Variants in DOCK9 observed in about 807,000 individuals in gnomAD.
DOCK9 encodes dedicator of cytokinesis 9.
DOCK9 carries 89 observed loss-of-function variants against 263.3 expected under a neutral mutation model. The observed-to-expected ratio is 0.34, with a 90% CI of 0.28 to 0.40. The LOEUF is 0.40. Ranked by LOEUF, DOCK9 falls within the 10% of genes least tolerant of loss-of-function variation. The pLI is 1.00. For missense variants in DOCK9, 2,140 were observed against 2,603.4 expected (o/e 0.82, Z 3.87); for synonymous variants, 976 against 973.1 (o/e 1.00, Z -0.06).
intron 50 of DOCK9, among the ~76,000 whole-genome samples, chr13:98,799,166 C>T (rs2089806234): frequency 6.6e-6 from 1 of 152,128 alleles, no homozygotes; most frequent in Non-Finnish European, 1.5e-5. Flanking sequence ...TGGTGAATGA[C>T]ACAAAAATGT....
At chr13:98,927,232 T>C (rs2053114668) in intron 3 of DOCK9, among the ~76,000 whole-genome samples, 1 of 152,278 alleles carries the variant, frequency 6.6e-6, no homozygotes, top group Non-Finnish European at 1.5e-5. Flanking sequence ...TATTTTATCC[T>C]TGAAAATGAT....
chr13:98,944,265 C>A (rs146854276), intron 2 of DOCK9, among the ~76,000 whole-genome samples: 1 of 151,432 alleles, frequency 6.6e-6, no homozygotes, highest in Non-Finnish European at 1.5e-5. Context: ...GTATTTCATA[C>A]GTGTGTGCTC....
chr13:98,824,556 G>A, intron 44 of DOCK9, 52 bp from the exon 45 acceptor site: 1 of 1,525,554 alleles, frequency 6.6e-7, no homozygotes, highest in Non-Finnish European at 9.1e-7. Context: ...GAACGTGGGT[G>A]AACCCTGAGG....
intron 47 of DOCK9, chr13:98,809,114 A>G (rs1396211989): frequency 6.5e-7 from 1 of 1,545,118 alleles, no homozygotes. Context: ...TTAAGGAGGA[A>G]GAACTTACCG....
intron 2 of DOCK9, among the ~76,000 whole-genome samples, chr13:98,950,967 C>T (rs963518397): frequency 3.9e-5 from 6 of 152,158 alleles, no homozygotes; most frequent in South Asian, 4.1e-4. Flanking sequence ...AAAAGGCAGG[C>T]GTCCTGGGCT....
chr13:98,903,185 G>A, intron 10 of DOCK9, 73 bp from the exon 11 acceptor site: 2 of 1,191,598 alleles, frequency 1.7e-6, no homozygotes, highest in Non-Finnish European at 2.3e-6. Context: ...TGCATCCAAA[G>A]GAAACGGAAT....
chr13:99,005,688 A>G (rs536627769), intron 1 of DOCK9, among the ~76,000 whole-genome samples: 11 of 152,256 alleles, frequency 7.2e-5, no homozygotes, highest in Non-Finnish European at 1.6e-4. Flanking sequence ...AGCAGGGCAC[A>G]GCAAACTTTT....
At chr13:98,912,610 A>G (rs75221598) in intron 9 of DOCK9, among the ~76,000 whole-genome samples, 1,818 of 152,070 alleles carry the variant, frequency 0.012, 76 homozygotes, top group Admixed American at 0.077. Context: ...ATACATTTAT[A>G]TTAAATATAT....
intron 13 of DOCK9, among the ~76,000 whole-genome samples, chr13:98,899,554 G>A (rs938389542): frequency 6.6e-6 from 1 of 152,142 alleles, no homozygotes; most frequent in African/African-American, 2.4e-5. Flanking sequence ...TCTCCAATGA[G>A]GTATGTTCTT....
Position 98,846,078 on chromosome 13 carries a change from T to C in DOCK9, c.4062-18A>G, listed in dbSNP as rs1164662317. On this transcript the variant is annotated intron_variant, in intron 37 of 52. Coordinates refer to ENST00000682017, the MANE Select transcript of DOCK9 (RefSeq NM_001366683.2). ...CCTGGTTCCTGCAACATGAGTGAAA[T>C]GGGATAGAAGCAAAAGTTAGACGTG... The C allele has an allele frequency of 1.9e-6, 3 of 1,558,228 alleles. No individual in the cohort carries two copies.
intron 49 of DOCK9, among the ~76,000 whole-genome samples, chr13:98,803,887 G>A (rs1440946388): frequency 6.6e-6 from 1 of 151,038 alleles, no homozygotes; most frequent in African/African-American, 2.4e-5. Context: ...CATAGGGAGT[G>A]TGAAAAGCTC....
At chr13:98,901,414 TG>T (rs1475937215) in intron 13 of DOCK9, among the ~76,000 whole-genome samples, 126 of 152,302 alleles carry the variant, frequency 8.3e-4, no homozygotes, top group African/African-American at 3.0e-3. Flanking sequence ...CATATATAAG[TG>T]TAAGTGGACC....
At chr13:99,056,142 T>C (rs2040910309) in intron 1 of DOCK9, among the ~76,000 whole-genome samples, 1 of 152,196 alleles carries the variant, frequency 6.6e-6, no homozygotes, top group South Asian at 2.1e-4. Flanking sequence ...TGGAAATATA[T>C]ATTTTTTTCC....
intron 48 of DOCK9, 55 bp downstream of exon 48, chr13:98,807,606 A>G: frequency 1.4e-6 from 2 of 1,421,498 alleles, no homozygotes; most frequent in Non-Finnish European, 1.9e-6. Context: ...AATATATAAT[A>G]TGTAATCAAT....
chr13:99,066,682 C>T (rs2041433978), intron 1 of DOCK9, among the ~76,000 whole-genome samples: 1 of 151,152 alleles, frequency 6.6e-6, no homozygotes. Flanking sequence ...TCTTAAATGC[C>T]CTGTTTTCCC....
chr13:98,963,614 T>A (rs1476393160), intron 1 of DOCK9, among the ~76,000 whole-genome samples: 1 of 152,230 alleles, frequency 6.6e-6, no homozygotes, highest in Non-Finnish European at 1.5e-5. Context: ...GCAAACTAAA[T>A]GGCAACTCTT....
At chr13:98,849,950 T>A in intron 36 of DOCK9, 97 bp downstream of exon 36, 1 of 867,476 alleles carries the variant, frequency 1.2e-6, no homozygotes, top group Non-Finnish European at 1.8e-6. Flanking sequence ...GGATGTGACA[T>A]ACACTACTCC....
chr13:98,883,174 A>G, intron 22 of DOCK9, 43 bp from the exon 23 acceptor site: 4 of 1,483,990 alleles, frequency 2.7e-6, no homozygotes, highest in Non-Finnish European at 2.8e-6. Flanking sequence ...GTCTATTAGA[A>G]TACACGCTGT....
chr13:98,801,210 AGGAGGTCAAAG>A (rs1358155480), intron 49 of DOCK9, among the ~76,000 whole-genome samples: 1 of 152,202 alleles, frequency 6.6e-6, no homozygotes, highest in Non-Finnish European at 1.5e-5. Context: ...GCTTGAGCCC[AGGAGGTCAAAG>A]CTGCAGTGAG....
Sources: gnomAD v4.1 joint callset for allele counts (sites outside exome capture counted in the v4.1 genomes callset) on GRCh38, gnomAD v4.1.1 for gene constraint, MANE v1.5 for transcripts, NCBI Gene and HGNC (gene_info 2026-07-23, HGNC 2026-07-21) for gene names.